The following FNBP1 variants were observed in gnomAD, a reference collection of about 807,000 sequenced individuals.
The protein encoded by FNBP1 is formin-binding protein 1.
In FNBP1, 26 loss-of-function variants were observed where a neutral mutation model predicts 90.6. The observed-to-expected ratio is 0.29, with a 90% CI of 0.21 to 0.40. The LOEUF (loss-of-function observed/expected upper bound fraction) is 0.40, where lower values mean the gene tolerates loss of function less well. Among genes scored for constraint, FNBP1 ranks in the 10% least tolerant of loss-of-function variants. The pLI, the probability that FNBP1 is intolerant of heterozygous loss-of-function variation, is 1.00. For missense variants in FNBP1, 635 were observed against 768.0 expected (o/e 0.83, Z 2.05); for synonymous variants, 260 against 265.2 (o/e 0.98, Z 0.19).
rs3739859 is a variant in FNBP1 at position 129,890,057 on chromosome 9, A to G, written c.*482T>C. The stretch of plus-strand genomic sequence containing the variant: ...GAGGAGGAAGTGTTTTCTACAGCAG[A>G]CAGTCTGGGACACACGGATGACATC... On this transcript the variant is annotated 3_prime_UTR_variant, in exon 17 of 17. Transcript: ENST00000446176. The surrounding 1 kb of genome is among the most constrained non-coding windows in gnomAD (Gnocchi z 5.8). 0.9 allele frequency: 222,763 copies of G among 248,490 alleles called. 101,786 individuals carry two copies. Among genetic ancestry groups the G allele is most frequent in the East Asian group, 0.97 (16,434 of 16,862 alleles). The allele number at this position is 248,490 out of a possible 1,614,324, so 15.4% of individuals were successfully genotyped here.
At chr9:129,943,300 T>C (rs1016990971) in intron 6 of FNBP1, among the ~76,000 whole-genome samples, 2 of 152,092 alleles carry the variant, frequency 1.3e-5, no homozygotes, top group Non-Finnish European at 2.9e-5. Flanking sequence ...CCAGGTGATT[T>C]CATATATGAT....
intron 10 of FNBP1, among the ~76,000 whole-genome samples, chr9:129,916,560 T>C (rs929401557): frequency 1.3e-5 from 2 of 150,300 alleles, no homozygotes; most frequent in Non-Finnish European, 3.0e-5. Flanking sequence ...GAGGTTGCAG[T>C]GAGCTGAGGT....
chr9:130,033,062 G>C (rs1189498977), intron 1 of FNBP1, among the ~76,000 whole-genome samples: 1 of 152,152 alleles, frequency 6.6e-6, no homozygotes, highest in East Asian at 1.9e-4. Flanking sequence ...CTTACCGCAG[G>C]AGAGTTCTAC....
intron 2 of FNBP1, among the ~76,000 whole-genome samples, chr9:129,981,486 G>A (rs187041775): frequency 2.0e-5 from 3 of 152,242 alleles, no homozygotes; most frequent in Admixed American, 2.0e-4. Flanking sequence ...TATTTCACAT[G>A]TTACTTTTAT....
At chr9:130,005,141 C>A (rs1284943804) in intron 1 of FNBP1, among the ~76,000 whole-genome samples, 1 of 148,870 alleles carries the variant, frequency 6.7e-6, no homozygotes, top group African/African-American at 2.5e-5. Context: ...GAGGCTGAGG[C>A]AGGAGAATCA....
At chr9:129,906,928 C>T (rs1207315236) in intron 12 of FNBP1, among the ~76,000 whole-genome samples, 2 of 152,028 alleles carry the variant, frequency 1.3e-5, no homozygotes, top group Admixed American at 6.5e-5. Context: ...TACAGGCACA[C>T]ACCACCACTC....
At chr9:130,050,802 G>A in the FNBP1 span, among the ~76,000 whole-genome samples, 5 of 137,210 alleles carry the variant, frequency 3.6e-5, no homozygotes, top group Non-Finnish European at 7.8e-5. Flanking sequence ...CACCATGCCC[G>A]CTAATTTTTG....
At chr9:129,916,108 G>A (rs1012679698) in intron 10 of FNBP1, 128 bp from the exon 11 acceptor site, 20 of 662,224 alleles carry the variant, frequency 3.0e-5, no homozygotes, top group African/African-American at 2.9e-4. Context: ...TAACACACAC[G>A]TCTACCCGCT....
At position 129,903,377 on chromosome 9, in the gene FNBP1, A is replaced by G. The variant is rs374209924; in HGVS notation, c.1296-376T>C. Among the ~76,000 whole-genome samples, 66 of 152,226 alleles carry G rather than the reference A, an allele frequency of 4.3e-4. No individual in the cohort carries two copies. In the South Asian group the frequency reaches 0.013, roughly 30 times the overall value. On this transcript the variant is annotated intron_variant, in intron 12 of 16. Coordinates refer to ENST00000446176, the MANE Select transcript of FNBP1 (RefSeq NM_015033.3). ...GCAAAGGTTACTCTTATCAGCCAAT[A>G]TTCTACCACTTTGAAAGCCATATGA...
chr9:130,032,055 C>T, intron 1 of FNBP1, among the ~76,000 whole-genome samples: 1 of 152,128 alleles, frequency 6.6e-6, no homozygotes, highest in Non-Finnish European at 1.5e-5. Context: ...CCAAAAATGG[C>T]CGTAACAAGA....
At chr9:129,943,413 T>C (rs1157218577) in intron 6 of FNBP1, among the ~76,000 whole-genome samples, 1 of 64,704 alleles carries the variant, frequency 1.5e-5, no homozygotes, top group Admixed American at 2.1e-4. Context: ...TGAGATGGAC[T>C]TTTGCTCTTG....
intron 6 of FNBP1, among the ~76,000 whole-genome samples, chr9:129,945,407 A>G (rs1357797995): frequency 6.6e-6 from 1 of 152,232 alleles, no homozygotes; most frequent in African/African-American, 2.4e-5. Context: ...CTAAATTGTT[A>G]TAGTGAACAA....
At chr9:129,922,359 A>G (rs910581263) in intron 10 of FNBP1, among the ~76,000 whole-genome samples, 7 of 152,220 alleles carry the variant, frequency 4.6e-5, no homozygotes, top group South Asian at 2.1e-4. Flanking sequence ...TTCAATCTTA[A>G]TAACAACCAC....
Position 129,908,908 on chromosome 9 carries a change from T to C in FNBP1, c.1277A>G (p.Gln426Arg), listed in dbSNP as rs762307885. ...ACTATACCTTTGATCCATCTCCTTCTGAATTTCTTTATTTAACTCATCGAC... is the reference window on the plus strand; with the variant it reads ...ACTATACCTTTGATCCATCTCCTTCCGAATTTCTTTATTTAACTCATCGAC... ...QKVDELNKEI[Q>R]KEMDQRDAIT... The change falls in exon 12 of 17, where the codon CAG (glutamine) becomes CGG (arginine). Residue 426 changes from glutamine (Q) to arginine (R), a missense_variant. Transcript: ENST00000446176. 6.2e-7 allele frequency: 1 copy of C among 1,611,086 alleles called. No homozygotes were observed. Among genetic ancestry groups the C allele is most frequent in the South Asian group, 1.1e-5 (1 of 90,930 alleles).
chr9:129,978,427 C>G, intron 4 of FNBP1, 38 bp downstream of exon 4: 1 of 1,568,816 alleles, frequency 6.4e-7, no homozygotes, highest in Non-Finnish European at 8.8e-7. Flanking sequence ...TGTGTTTGGT[C>G]CATCTTTTAG....
rs2037875455 is a variant in FNBP1, at chr9:129,905,607, C to T, written c.1296-2606G>A. On this transcript the variant is annotated intron_variant, in intron 12 of 16. Transcript: ENST00000446176. The stretch of plus-strand genomic sequence containing the variant: ...TCCAGGCATGAGCCACCATGCCCAG[C>T]CGCTTCTATTTCCTTTGGGCTTAAT... Among the ~76,000 whole-genome samples the T allele has an allele frequency of 2.0e-5, 3 of 152,096 alleles. No homozygotes were observed. The South Asian group carries it at 6.2e-4, about 32-fold the overall frequency.
At chr9:129,907,060 G>A (rs1384407826) in intron 12 of FNBP1, among the ~76,000 whole-genome samples, 1 of 150,986 alleles carries the variant, frequency 6.6e-6, no homozygotes, top group Non-Finnish European at 1.5e-5. Flanking sequence ...TTACAGGCGT[G>A]AGCCACTGCG....
At position 129,920,111 on chromosome 9, in the gene FNBP1, G is replaced by C. The variant is rs188062304; in HGVS notation, c.1170+3733C>G. ...CTCTATTTCTTTACGATTGCTTCTA[G>C]TGGGTATATGTATGTGGTTTAACCT... On this transcript the variant is annotated intron_variant, in intron 10 of 16. Transcript: ENST00000446176. Among the ~76,000 whole-genome samples the C allele has an allele frequency of 9.2e-4, 140 of 152,288 alleles. 2 individuals carry two copies. Among genetic ancestry groups the C allele is most frequent in the Admixed American group, 7.9e-3 (121 of 15,294 alleles).
intron 4 of FNBP1, among the ~76,000 whole-genome samples, chr9:129,971,899 T>A (rs1028736578): frequency 2.0e-5 from 3 of 152,258 alleles, no homozygotes; most frequent in African/African-American, 7.2e-5. Context: ...AACTTGGACA[T>A]TCTTTCTATA....
Sources: gnomAD v4.1 joint callset for allele counts (sites outside exome capture counted in the v4.1 genomes callset) on GRCh38, gnomAD v4.1.1 for gene constraint, Gnocchi (gnomAD v3.1) non-coding constraint, MANE v1.5 for transcripts, NCBI Gene and HGNC (gene_info 2026-07-23, HGNC 2026-07-21) for gene names.